The following CEP250 variants were observed in gnomAD, a reference collection of about 807,000 sequenced individuals.
The protein encoded by CEP250 is centrosome-associated protein CEP250.
Under a neutral mutation model 315.7 loss-of-function variants are expected in CEP250, and 242 were observed. That is an observed-to-expected ratio of 0.77 (90% CI 0.69 to 0.85). The LOEUF (loss-of-function observed/expected upper bound fraction) is 0.85. Among genes scored for constraint, CEP250 ranks in the 40% least tolerant of loss-of-function variants. CEP250 has a pLI of 0.00. For missense variants in CEP250, 2,515 were observed against 2,886.4 expected (o/e 0.87, Z 2.95); for synonymous variants, 1,088 against 1,175.0 (o/e 0.93, Z 1.51).
At chr20:35,510,272 A>G (rs2064317012) in intron 34 of CEP250, among the ~76,000 whole-genome samples, 1 of 152,192 alleles carries the variant, frequency 6.6e-6, no homozygotes, top group Non-Finnish European at 1.5e-5. Context: ...ATACTTAGAA[A>G]GGGAAAGGAA....
rs545422424 is a variant in CEP250 at position 35,497,813 on chromosome 20, C to T, written c.3401C>T (p.Thr1134Met). Residue 1134 changes from threonine (T) to methionine (M), a missense_variant, in exon 26 of 35, where the codon ACG (threonine) becomes ATG (methionine). Transcript: ENST00000397527. ...GAGGAGCTGGAGGCGTCTCATATCA[C>T]GGAGCAGCAGCTGCGAGCCTCCTTG... ...LLEELEASHI[T>M]EQQLRASLWA... The T allele has an allele frequency of 5.8e-5, 91 of 1,563,872 alleles. No homozygotes were observed. The highest frequency in any genetic ancestry group is 1.7e-4 in the Middle Eastern group (1 of 5,952).
In CEP250 at chr20:35,502,705, G is replaced by C. The variant is rs757112602; in HGVS notation, c.4336G>C (p.Glu1446Gln). 4 of 1,614,154 alleles carry C rather than the reference G, an allele frequency of 2.5e-6. No individual in the cohort carries two copies. In the African/African-American group the frequency reaches 5.3e-5, roughly 22 times the overall value. ...GGAGACTCTGCGGGGACAAATCCAG[G>C]AACTGGAGAAGCAACGGGAAATGCA... Reference protein sequence around the residue: ...EVETLRGQIQELEKQREMQKA... With the variant: ...EVETLRGQIQQLEKQREMQKA... The change falls in exon 30 of 35, where the codon GAA becomes CAA. Residue 1446 changes from glutamate (E) to glutamine (Q), a missense_variant. Coordinates refer to ENST00000397527, the MANE Select transcript of CEP250 (RefSeq NM_007186.6).
At position 35,490,634 on chromosome 20, in the gene CEP250, CAGG is replaced by C; in HGVS notation, c.2587_2589del (p.Glu863del). ...TCTAATGGTGTTTCCTTCATGTGGCCAGGAGAAGGAGCGCTCCTGGCACCAGCA... is the reference window on the plus strand; with the variant it reads ...TCTAATGGTGTTTCCTTCATGTGGCCAGAAGGAGCGCTCCTGGCACCAGCA... On this transcript the variant is annotated splice_acceptor_variant and coding_sequence_variant, in exon 21 of 35. Transcript: ENST00000397527. LOFTEE classifies it high-confidence loss of function. The C allele has an allele frequency of 6.2e-7, 1 of 1,611,418 alleles. No individual in the cohort carries two copies. Among genetic ancestry groups the C allele is most frequent in the Non-Finnish European group, 8.5e-7 (1 of 1,179,414 alleles).
Position 35,474,385 on chromosome 20 carries a change from C to G in CEP250, c.1571+333C>G, listed in dbSNP as rs188769206. Reference sequence around the variant, plus strand: ...GTATGAGTTAAATAGAGTTTCAGACCAAGTCCTTTGGGAGCACAGGAGTGA... The same window carrying G: ...GTATGAGTTAAATAGAGTTTCAGACGAAGTCCTTTGGGAGCACAGGAGTGA... On this transcript the variant is annotated intron_variant, in intron 14 of 34. Transcript: ENST00000397527. Among the ~76,000 whole-genome samples the G allele has an allele frequency of 1.6e-3, 243 of 152,258 alleles. 1 individual carries two copies. The highest frequency in any genetic ancestry group is 5.5e-3 in the African/African-American group (228 of 41,538).
intron 13 of CEP250, 132 bp downstream of exon 13, chr20:35,473,684 C>T (rs1463518960): frequency 3.6e-6 from 4 of 1,106,966 alleles, no homozygotes; most frequent in Non-Finnish European, 5.1e-6. Context: ...GGCTGTTTTG[C>T]CCAGTGTTTC....
chr20:35,484,602 C>T (rs995802616), intron 20 of CEP250, among the ~76,000 whole-genome samples: 2 of 151,428 alleles, frequency 1.3e-5, no homozygotes, highest in Non-Finnish European at 2.9e-5. Flanking sequence ...TCACTACAGC[C>T]CAGAGATAGG....
At chr20:35,476,921 T>C (rs984579141) in intron 16 of CEP250, among the ~76,000 whole-genome samples, 5 of 152,196 alleles carry the variant, frequency 3.3e-5, no homozygotes, top group African/African-American at 1.2e-4. Flanking sequence ...CGATCTTAGC[T>C]AACTGCAGTT....
At chr20:35,476,305 G>A in intron 15 of CEP250, 144 bp from the exon 16 acceptor site, 1 of 695,500 alleles carries the variant, frequency 1.4e-6, no homozygotes, top group Non-Finnish European at 2.4e-6. Context: ...AATGAATGAA[G>A]GGAAAACTTG....
Position 35,512,163 on chromosome 20 carries a change from G to A in CEP250, c.*537G>A. On this transcript the variant is annotated 3_prime_UTR_variant, in exon 35 of 35. Transcript: ENST00000397527. Reference sequence around the variant, plus strand: ...CTGTCCACAGACAGCCTACAGTCCAGTTGATGAGAACAGGCTAACACTCAT... The same window carrying A: ...CTGTCCACAGACAGCCTACAGTCCAATTGATGAGAACAGGCTAACACTCAT... The A allele has an allele frequency of 2.4e-6, 1 of 408,848 alleles. No homozygotes were observed. Among genetic ancestry groups the A allele is most frequent in the South Asian group, 9.9e-5 (1 of 10,124 alleles). 25.3% of individuals were successfully genotyped at this position (408,848 alleles called of 1,614,324 possible). A position where few individuals can be genotyped will look rare whatever the true frequency, so the allele number is the denominator to read the frequency against.
chr20:35,473,320 CA>C (rs1167691106), intron 12 of CEP250, 53 bp from the exon 13 acceptor site: 1 of 1,511,510 alleles, frequency 6.6e-7, no homozygotes, highest in African/African-American at 1.4e-5. Context: ...GGGGTTCTGA[CA>C]TCCCTCCTTT....
chr20:35,505,418 C>T (rs1461631714), intron 30 of CEP250, among the ~76,000 whole-genome samples: 4 of 152,022 alleles, frequency 2.6e-5, no homozygotes, highest in Admixed American at 1.3e-4. Context: ...TTTGGGAAGC[C>T]GAGGCGGGCA....
chr20:35,491,430 T>G lies in CEP250; in HGVS notation c.2889+84T>G, dbSNP rs984709402. ...ATGAAGGGTTCTTGGGCACTTCTTA[T>G]GTGCCAGGCCCTGTGCTAGGTGCTG... is the stretch of plus-strand genomic sequence containing the variant. On this transcript the variant is annotated intron_variant, in intron 22 of 34. Coordinates refer to ENST00000397527, the MANE Select transcript of CEP250 (RefSeq NM_007186.6). 7 of 1,417,830 alleles carry G rather than the reference T, an allele frequency of 4.9e-6. No individual in the cohort carries two copies. The East Asian group carries it at 1.8e-4, about 36-fold the overall frequency. 87.8% of individuals were successfully genotyped at this position (1,417,830 alleles called of 1,614,324 possible). A position where few individuals can be genotyped will look rare whatever the true frequency, so the allele number is the denominator to read the frequency against.
intron 20 of CEP250, among the ~76,000 whole-genome samples, chr20:35,483,896 C>T (rs148081692): frequency 6.6e-5 from 10 of 152,048 alleles, no homozygotes; most frequent in African/African-American, 2.4e-4. Flanking sequence ...TTTTAAATTT[C>T]ACTTTTTAAA....
At chr20:35,455,243 G>A (rs1439023160), upstream of CEP250, 3 of 152,374 alleles carry the variant, frequency 2.0e-5, no homozygotes, top group Admixed American at 1.3e-4. Context: ...GCGTGGTGAG[G>A]TGGGGCCTCA....
intron 4 of CEP250, among the ~76,000 whole-genome samples, 194 bp downstream of exon 4, chr20:35,462,747 C>T (rs751834045): frequency 2.0e-5 from 3 of 152,098 alleles, no homozygotes; most frequent in South Asian, 2.1e-4. Flanking sequence ...CCATGAGGTA[C>T]GTATTATATC....
chr20:35,462,539 AAGCTGCAGGCCAAGGTGAGGC>A lies in CEP250; in HGVS notation c.179_186+13del, dbSNP rs2146672350. ...GCAGAGACAAGCAACCCTTGTGAGGAAGCTGCAGGCCAAGGTGAGGCAGCTGCCCTTTTGGGGAGGGGAAAG... is the reference window on the plus strand; with the variant it reads ...GCAGAGACAAGCAACCCTTGTGAGGAAGCTGCCCTTTTGGGGAGGGGAAAG... On this transcript the variant is annotated splice_donor_variant and splice_donor_5th_base_variant and coding_sequence_variant and intron_variant, in exon 4 of 35. Transcript: ENST00000397527. LOFTEE classifies it high-confidence loss of function. 6.2e-7 allele frequency: 1 copy of A among 1,605,206 alleles called. No individual in the cohort carries two copies. The highest frequency in any genetic ancestry group is 8.5e-7 in the Non-Finnish European group (1 of 1,175,852).
At chr20:35,467,248 C>T in intron 8 of CEP250, 56 bp from the exon 9 acceptor site, 1 of 1,577,954 alleles carries the variant, frequency 6.3e-7, no homozygotes, top group Non-Finnish European at 8.6e-7. Flanking sequence ...GGCCTGATCA[C>T]CACACTCCTT....
chr20:35,465,876 A>C (rs2062866618), intron 6 of CEP250, 51 bp downstream of exon 6: 5 of 1,554,494 alleles, frequency 3.2e-6, no homozygotes, highest in Non-Finnish European at 4.4e-6. Context: ...TTGGTGGAGA[A>C]GGCTGATGGG....
chr20:35,473,956 T>TA lies in CEP250; in HGVS notation c.1478dup (p.Asn493LysfsTer49). 1 of 1,610,866 alleles carries TA rather than the reference T, an allele frequency of 6.2e-7. No individual in the cohort carries two copies. The highest frequency in any genetic ancestry group is 1.3e-5 in the African/African-American group (1 of 74,644). ...CAGGAGGCATGGCGCCTGCGAAGGG[T>TA]AAATGTGGAGCTTCAGCTGCAGGGG... On this transcript the variant is annotated frameshift_variant, in exon 14 of 35. Coordinates refer to ENST00000397527, the MANE Select transcript of CEP250 (RefSeq NM_007186.6). LOFTEE classifies it high-confidence loss of function.
Sources: allele counts gnomAD v4.1 joint callset (sites outside exome capture counted in the v4.1 genomes callset), GRCh38; gene constraint gnomAD v4.1.1; transcripts MANE v1.5; gene names NCBI Gene and HGNC (gene_info 2026-07-23, HGNC 2026-07-21).